HS6ST2: variants seen among roughly 807,000 people sequenced by gnomAD.
HS6ST2 encodes heparan sulfate 6-O-sulfotransferase 2, also known as heparan-sulfate 6-O-sulfotransferase 2.
A neutral mutation model predicts 33.0 loss-of-function variants in HS6ST2; 17 were observed. The ratio of observed to expected loss-of-function variants is 0.52; its 90% CI spans 0.35 to 0.77. The LOEUF is 0.77. Ranked by LOEUF, HS6ST2 falls within the 30% of genes least tolerant of loss-of-function variation. HS6ST2 has a pLI of 0.01. For missense variants in HS6ST2, 519 were observed against 551.7 expected (o/e 0.94, Z 0.59); for synonymous variants, 248 against 237.1 (o/e 1.05, Z -0.42).
intron 2 of HS6ST2, among the ~76,000 whole-genome samples, chrX:132,845,273 A>G (rs1169913148): frequency 9.1e-6 from 1 of 110,154 alleles, no homozygotes; most frequent in Non-Finnish European, 1.9e-5. Flanking sequence ...GTCAATGTCA[A>G]TTTAGTTCAA....
intron 3 of HS6ST2, among the ~76,000 whole-genome samples, chrX:132,692,804 C>G (rs2064076857): frequency 8.9e-6 from 1 of 112,186 alleles, no homozygotes; most frequent in African/African-American, 3.2e-5. Context: ...TGCACTGATT[C>G]ATAGGCTCTG....
At chrX:132,742,277 C>T (rs2085769500) in intron 2 of HS6ST2, among the ~76,000 whole-genome samples, 1 of 111,980 alleles carries the variant, frequency 8.9e-6, no homozygotes, top group African/African-American at 3.3e-5. Context: ...CACTTGGATT[C>T]AGCTGTTTCT....
intron 2 of HS6ST2, among the ~76,000 whole-genome samples, chrX:132,944,422 T>C (rs1242491060): frequency 1.8e-5 from 2 of 111,357 alleles, no homozygotes; most frequent in Non-Finnish European, 3.8e-5. Context: ...AAAACGGCCG[T>C]ACTGCCCAAG....
intron 2 of HS6ST2, among the ~76,000 whole-genome samples, chrX:132,909,369 G>A (rs2066509860): frequency 8.9e-6 from 1 of 111,732 alleles, no homozygotes; most frequent in Non-Finnish European, 1.9e-5. Context: ...AGCTCCACAC[G>A]GATTCAATTT....
intron 2 of HS6ST2, among the ~76,000 whole-genome samples, chrX:132,822,364 C>T (rs1181919529): frequency 3.6e-5 from 4 of 111,121 alleles, no homozygotes; most frequent in Admixed American, 9.6e-5. Flanking sequence ...ATATCAGAGC[C>T]GCATCCTGCT....
At chrX:132,757,606 TTCTCTC>T (rs373369533) in intron 2 of HS6ST2, among the ~76,000 whole-genome samples, 1 of 106,643 alleles carries the variant, frequency 9.4e-6, no homozygotes, top group African/African-American at 3.4e-5. Context: ...GCCCTTTGTG[TTCTCTC>T]TCTCTCTCTC....
At chrX:132,923,448 T>C (rs2066676495) in intron 2 of HS6ST2, among the ~76,000 whole-genome samples, 1 of 111,814 alleles carries the variant, frequency 8.9e-6, no homozygotes, top group African/African-American at 3.2e-5. Flanking sequence ...CACTTTCTTC[T>C]TGGCTTTCTT....
intron 2 of HS6ST2, among the ~76,000 whole-genome samples, chrX:132,770,128 T>C (rs867763695): frequency 2.7e-5 from 3 of 111,846 alleles, no homozygotes; most frequent in African/African-American, 9.8e-5. Context: ...GCTATAGTGT[T>C]ATGTGCCACA....
chrX:132,860,777 CTTTTTTTTTT>C (rs58059164), intron 2 of HS6ST2, among the ~76,000 whole-genome samples: 1 of 52,896 alleles, frequency 1.9e-5, no homozygotes, highest in Non-Finnish European at 3.2e-5. Context: ...GCATGTGTAT[CTTTTTTTTTT>C]TTTTTTTTTT....
chrX:132,801,218 C>T (rs1423408191), intron 2 of HS6ST2, among the ~76,000 whole-genome samples: 1 of 110,307 alleles, frequency 9.1e-6, no homozygotes, highest in Non-Finnish European at 1.9e-5. Context: ...ATTGCTTGAA[C>T]CCGGGAGGCA....
rs755187448 is a variant in HS6ST2 at position 132,626,521 on chromosome X, C to G, written c.*1702G>C. The stretch of plus-strand genomic sequence containing the variant: ...AAAACAAAAGCTAGAAATACTGATA[C>G]AAGCTCAGAGTCAAGAAAATCTATT... On this transcript the variant is annotated 3_prime_UTR_variant, in exon 5 of 5. Transcript: ENST00000370833. The G allele has an allele frequency of 2.7e-5, 3 of 112,250 alleles. No individual in the cohort carries two copies. Among genetic ancestry groups the G allele is most frequent in the Non-Finnish European group, 5.6e-5 (3 of 53,269 alleles). The allele number at this position is 112,250 out of a possible 1,213,427, so 9.3% of individuals were successfully genotyped here. A position where few individuals can be genotyped will look rare whatever the true frequency, so the allele number is the denominator to read the frequency against.
At chrX:132,673,856 T>C (rs2063904279) in intron 3 of HS6ST2, among the ~76,000 whole-genome samples, 1 of 112,126 alleles carries the variant, frequency 8.9e-6, no homozygotes, top group Non-Finnish European at 1.9e-5. Context: ...CTTTTCTCTT[T>C]TCTAAGAGAC....
At chrX:132,945,010 T>C (rs2066932802) in intron 2 of HS6ST2, among the ~76,000 whole-genome samples, 1 of 111,848 alleles carries the variant, frequency 8.9e-6, no homozygotes, top group South Asian at 3.7e-4. Context: ...AAATGATATC[T>C]AATTAAACTC....
intron 2 of HS6ST2, among the ~76,000 whole-genome samples, chrX:132,779,418 G>A (rs2064998075): frequency 9.0e-6 from 1 of 111,606 alleles, no homozygotes; most frequent in East Asian, 2.8e-4. Context: ...ATCATTTCAA[G>A]TAAAATGCCT....
chrX:132,637,010 C>A (rs753439998), intron 4 of HS6ST2, among the ~76,000 whole-genome samples: 1 of 112,435 alleles, frequency 8.9e-6, no homozygotes, highest in East Asian at 2.8e-4. Flanking sequence ...TAGGTGTGTT[C>A]AGGCTTCAAT....
chrX:132,954,193 G>A (rs892168613), intron 2 of HS6ST2, among the ~76,000 whole-genome samples: 4 of 111,898 alleles, frequency 3.6e-5, no homozygotes, highest in African/African-American at 1.3e-4. Context: ...GGATCTGGTC[G>A]AGGGTCACAT....
intron 3 of HS6ST2, among the ~76,000 whole-genome samples, chrX:132,682,096 C>T (rs1365785314): frequency 8.9e-6 from 1 of 112,365 alleles, no homozygotes; most frequent in Non-Finnish European, 1.9e-5. Flanking sequence ...CTGCCCTATC[C>T]CTGACTTCCC....
intron 4 of HS6ST2, among the ~76,000 whole-genome samples, chrX:132,646,967 T>C (rs745553776): frequency 9.0e-6 from 1 of 111,316 alleles, no homozygotes; most frequent in Non-Finnish European, 1.9e-5. Flanking sequence ...AAGAACAGCA[T>C]GGAAAACCCA....
intron 2 of HS6ST2, among the ~76,000 whole-genome samples, chrX:132,739,071 T>C (rs186715606): frequency 1.5e-3 from 166 of 111,848 alleles, no homozygotes; most frequent in Non-Finnish European, 2.4e-3. Flanking sequence ...ATAAATGTAC[T>C]TGTTCTCCCT....
Sources: gnomAD v4.1 joint callset for allele counts (sites outside exome capture counted in the v4.1 genomes callset) on GRCh38, gnomAD v4.1.1 for gene constraint, MANE v1.5 for transcripts, NCBI Gene and HGNC (gene_info 2026-07-23, HGNC 2026-07-21) for gene names.